The following ANXA4 variants were observed in gnomAD, a reference collection of about 807,000 sequenced individuals.
The protein encoded by ANXA4 is 35-beta calcimedin.
ANXA4 carries 39 observed loss-of-function variants against 49.8 expected under a neutral mutation model. The ratio of observed to expected loss-of-function variants is 0.78; its 90% CI spans 0.61 to 1.02. ANXA4 has a LOEUF of 1.02. ANXA4 is among the 50% of genes least tolerant of loss of function. The pLI is 0.00. For synonymous variants in ANXA4, 134 were observed against 152.5 expected (o/e 0.88, Z 0.89); for missense variants, 360 against 410.1 (o/e 0.88, Z 1.05).
intron 1 of ANXA4, among the ~76,000 whole-genome samples, chr2:69,765,389 G>A (rs955103819): frequency 2.0e-5 from 3 of 152,162 alleles, no homozygotes; most frequent in African/African-American, 7.2e-5. Context: ...ACCAACATTT[G>A]TTGTTTTCTG....
intron 2 of ANXA4, among the ~76,000 whole-genome samples, chr2:69,699,679 G>GA (rs957328936): frequency 1.7e-4 from 26 of 151,552 alleles, no homozygotes; most frequent in African/African-American, 6.1e-4. Flanking sequence ...AACAACAACA[G>GA]AAAAAAAACA....
chr2:69,677,643 C>A (rs1373311266), intron 2 of ANXA4, among the ~76,000 whole-genome samples: 1 of 152,094 alleles, frequency 6.6e-6, no homozygotes, highest in Non-Finnish European at 1.5e-5. Flanking sequence ...AACACGATAC[C>A]CTAATGGATG....
chr2:69,743,117 C>T (rs1670466968), intron 1 of ANXA4, among the ~76,000 whole-genome samples: 2 of 152,230 alleles, frequency 1.3e-5, no homozygotes, highest in East Asian at 1.9e-4. Flanking sequence ...GTGTTTCACC[C>T]ACCTCAACCT....
intron 2 of ANXA4, among the ~76,000 whole-genome samples, chr2:69,676,475 T>C (rs1490176617): frequency 6.6e-6 from 1 of 152,268 alleles, no homozygotes; most frequent in South Asian, 2.1e-4. Flanking sequence ...TTAAATGTTA[T>C]ATTGTATTTG....
intron 8 of ANXA4, among the ~76,000 whole-genome samples, chr2:69,814,058 A>ATAGAC (rs1673838582): frequency 6.6e-6 from 1 of 151,584 alleles, no homozygotes; most frequent in South Asian, 2.1e-4. Flanking sequence ...GCGCCTGACC[A>ATAGAC]TAGACCCAGT....
In ANXA4 at chr2:69,786,041, T is replaced by C. The variant is rs78050677; in HGVS notation, c.10-2013T>C. 3.9e-3 allele frequency among the ~76,000 whole-genome samples: 590 copies of C among 152,336 alleles called. 6 individuals are homozygous for C. The highest frequency in any genetic ancestry group is 0.014 in the African/African-American group (574 of 41,570). ...ATACTGGATGTGACCTCTAGACTTA[T>C]ACCGTATAACCAATTGTCTTTTTGA... On this transcript the variant is annotated intron_variant, in intron 2 of 12. Coordinates refer to ENST00000394295, the MANE Select transcript of ANXA4 (RefSeq NM_001153.5).
chr2:69,793,357 A>G (rs6739875), intron 3 of ANXA4, among the ~76,000 whole-genome samples: 5,793 of 152,258 alleles, frequency 0.038, 350 homozygotes, highest in African/African-American at 0.13. Flanking sequence ...TATTTTACCA[A>G]TAATTCCTAA....
At chr2:69,668,777 A>G (rs763278045) in intron 2 of ANXA4, among the ~76,000 whole-genome samples, 9 of 152,234 alleles carry the variant, frequency 5.9e-5, no homozygotes, top group Admixed American at 3.3e-4. Flanking sequence ...TGGCTTCTGC[A>G]GCAGGCTTGC....
intron 2 of ANXA4, among the ~76,000 whole-genome samples, chr2:69,785,885 G>T (rs1672393878): frequency 6.6e-6 from 1 of 151,940 alleles, no homozygotes; most frequent in African/African-American, 2.4e-5. Context: ...ATCCTTTCTG[G>T]GCTCTCCCCT....
chr2:69,785,392 T>G (rs2103686592), intron 2 of ANXA4, among the ~76,000 whole-genome samples: 1 of 152,314 alleles, frequency 6.6e-6, no homozygotes, highest in South Asian at 2.1e-4. Flanking sequence ...TCAGAAAACT[T>G]TAGCTCTATT....
At chr2:69,690,211 C>T (rs1031913235) in intron 2 of ANXA4, among the ~76,000 whole-genome samples, 3 of 152,040 alleles carry the variant, frequency 2.0e-5, no homozygotes, top group Non-Finnish European at 2.9e-5. Flanking sequence ...AATTTGTCCT[C>T]CCACCTATTT....
At chr2:69,739,704 G>A (rs1229089149), upstream of ANXA4, among the ~76,000 whole-genome samples, 2 of 152,178 alleles carry the variant, frequency 1.3e-5, no homozygotes, top group East Asian at 1.9e-4. Flanking sequence ...TGTTACAGGC[G>A]TGAGCCACAG....
intron 2 of ANXA4, among the ~76,000 whole-genome samples, chr2:69,662,758 A>T (rs1395032463): frequency 6.6e-6 from 1 of 151,948 alleles, no homozygotes; most frequent in African/African-American, 2.4e-5. Flanking sequence ...CCACTTACAC[A>T]CGCACTCAGG....
At chr2:69,672,043 CAT>C (rs1260927822) in intron 2 of ANXA4, among the ~76,000 whole-genome samples, 59 of 152,212 alleles carry the variant, frequency 3.9e-4, no homozygotes, top group African/African-American at 1.1e-3. Flanking sequence ...TAGCAGGAGA[CAT>C]GTGGGAAATG....
At chr2:69,679,731 C>A (rs1677530992) in intron 2 of ANXA4, among the ~76,000 whole-genome samples, 1 of 152,162 alleles carries the variant, frequency 6.6e-6, no homozygotes, top group Admixed American at 6.5e-5. Context: ...GAAGCATATC[C>A]AATTTTCTAA....
At chr2:69,816,417 T>C in intron 9 of ANXA4, 1 of 418,258 alleles carries the variant, frequency 2.4e-6, no homozygotes, top group Non-Finnish European at 4.3e-6. Context: ...CATGTAGTCA[T>C]AGAAGTTTGG....
chr2:69,814,271 A>G (rs1673853052), intron 8 of ANXA4, among the ~76,000 whole-genome samples: 1 of 151,658 alleles, frequency 6.6e-6, no homozygotes, highest in Admixed American at 6.6e-5. Flanking sequence ...AATAGAAACA[A>G]TGGCAGTTGC....
intron 3 of ANXA4, among the ~76,000 whole-genome samples, chr2:69,794,332 A>G (rs1672826047): frequency 6.6e-6 from 1 of 152,178 alleles, no homozygotes; most frequent in African/African-American, 2.4e-5. Flanking sequence ...GCTTGGAGGC[A>G]GGCTGACCAT....
intron 1 of ANXA4, among the ~76,000 whole-genome samples, chr2:69,747,273 G>A (rs532957633): frequency 6.6e-6 from 1 of 152,296 alleles, no homozygotes; most frequent in Admixed American, 6.5e-5. Context: ...AAGGGGCCCT[G>A]TGATTACTGG....
Sources: allele counts gnomAD v4.1 joint callset (sites outside exome capture counted in the v4.1 genomes callset), GRCh38; gene constraint gnomAD v4.1.1; transcripts MANE v1.5; gene names NCBI Gene and HGNC (gene_info 2026-07-23, HGNC 2026-07-21).